Variants in HSPA12A observed in about 807,000 individuals in gnomAD.
HSPA12A encodes the protein heat shock 70 kDa protein 12A.
Under a neutral mutation model 69.2 loss-of-function variants are expected in HSPA12A, and 28 were observed. The ratio of observed to expected loss-of-function variants is 0.40; its 90% CI spans 0.30 to 0.55. The LOEUF (loss-of-function observed/expected upper bound fraction) is 0.55, where lower values mean the gene tolerates loss of function less well. Ranked by LOEUF, HSPA12A falls within the 20% of genes least tolerant of loss-of-function variation. The pLI is 0.38. For synonymous variants in HSPA12A, 345 were observed against 370.5 expected (o/e 0.93, Z 0.79); for missense variants, 686 against 900.7 (o/e 0.76, Z 3.05).
rs2133371929 is a variant in HSPA12A at position 116,683,851 on chromosome 10, T to C, written c.775A>G (p.Ser259Gly). 6.3e-7 allele frequency: 1 copy of C among 1,597,698 alleles called. No homozygotes were observed. Among genetic ancestry groups the C allele is most frequent in the Non-Finnish European group, 8.6e-7 (1 of 1,167,084 alleles). The change falls in exon 7 of 12, where the codon AGC (serine) becomes GGC (glycine). Residue 259 changes from serine (S) to glycine (G), a missense_variant. Transcript: ENST00000369209. ...CTGTACCCATTGACGGCTGCCTTGC[T>C]GCTCAGCTCAATCATCTGGTGTAGC... Reference protein sequence around the residue: ...LRLHQMIELSSKAAVNGYSGS... With the variant: ...LRLHQMIELSGKAAVNGYSGS...
chr10:116,776,787 A>G (rs764268153), intron 2 of HSPA12A, among the ~76,000 whole-genome samples: 55 of 152,246 alleles, frequency 3.6e-4, no homozygotes, highest in Non-Finnish European at 7.1e-4. Context: ...TGTAATCTTA[A>G]TTAGAATCAT....
intron 2 of HSPA12A, among the ~76,000 whole-genome samples, chr10:116,756,076 C>G (rs1414225729): frequency 6.6e-6 from 1 of 152,198 alleles, no homozygotes; most frequent in African/African-American, 2.4e-5. Flanking sequence ...ATACGAACAC[C>G]TCCTAGCCTG....
At chr10:116,794,157 A>G (rs1272267937) in intron 2 of HSPA12A, among the ~76,000 whole-genome samples, 1 of 152,072 alleles carries the variant, frequency 6.6e-6, no homozygotes, top group Non-Finnish European at 1.5e-5. Flanking sequence ...GTGAGCCGAG[A>G]TCGCGCCACT....
chr10:116,701,631 G>A (rs1850079305), intron 3 of HSPA12A, among the ~76,000 whole-genome samples: 1 of 152,234 alleles, frequency 6.6e-6, no homozygotes, highest in South Asian at 2.1e-4. Context: ...ATTCGGGGGA[G>A]AACTGAAGAA....
At chr10:116,779,386 C>T (rs1003522013) in intron 2 of HSPA12A, among the ~76,000 whole-genome samples, 2 of 152,178 alleles carry the variant, frequency 1.3e-5, no homozygotes, top group Non-Finnish European at 2.9e-5. Flanking sequence ...CACCCTGACA[C>T]GGTTGGGGAG....
intron 1 of HSPA12A, among the ~76,000 whole-genome samples, chr10:116,714,919 C>A (rs7088652): frequency 0.041 from 6,214 of 152,280 alleles, 440 homozygotes; most frequent in African/African-American, 0.14. Flanking sequence ...ACCTCCACCT[C>A]TAAAAGTCAG....
Position 116,705,132 on chromosome 10 carries a change from TCCCA to T in HSPA12A, c.254+15_254+18del. The stretch of plus-strand genomic sequence containing the variant: ...GTGGTTGGCACCAGCCACGTGGCCC[TCCCA>T]CCCACAGCACTCACCTCATCACATG... On this transcript the variant is annotated intron_variant, in intron 3 of 11. Transcript: ENST00000369209. 6.2e-7 allele frequency: 1 copy of T among 1,613,442 alleles called. No homozygotes were observed. The highest frequency in any genetic ancestry group is 8.5e-7 in the Non-Finnish European group (1 of 1,179,566).
intron 2 of HSPA12A, chr10:116,834,880 G>A: frequency 2.1e-6 from 2 of 966,640 alleles, no homozygotes; most frequent in Non-Finnish European, 2.7e-6. Flanking sequence ...TGAGGTTCTG[G>A]GGCAGTTATT....
intron 2 of HSPA12A, among the ~76,000 whole-genome samples, chr10:116,812,993 G>A (rs966523827): frequency 2.0e-5 from 3 of 152,126 alleles, no homozygotes; most frequent in African/African-American, 7.2e-5. Context: ...AAGCTAAGAC[G>A]TTAAGCAGGA....
At chr10:116,725,460 G>A (rs1850922585) in intron 1 of HSPA12A, among the ~76,000 whole-genome samples, 5 of 152,222 alleles carry the variant, frequency 3.3e-5, no homozygotes, top group Non-Finnish European at 7.3e-5. Context: ...GTGTGCAAGG[G>A]AGGACTGCGT....
Position 116,816,521 on chromosome 10 carries a change from C to A in HSPA12A, c.91+18414G>T, listed in dbSNP as rs532188598. Among the ~76,000 whole-genome samples, 134 of 152,322 alleles carry A rather than the reference C, an allele frequency of 8.8e-4. 2 individuals carry two copies. In the South Asian group the frequency reaches 0.027, roughly 30 times the overall value. On this transcript the variant is annotated intron_variant, in intron 2 of 12. Coordinates refer to the HSPA12A transcript ENST00000635765. ...CACCCAAATCATGTCACTGAAGGAG[C>A]GAGCAGAGAAGGCGCCATGTGGCTC...
intron 2 of HSPA12A, among the ~76,000 whole-genome samples, chr10:116,705,526 G>C (rs1380487478): frequency 6.6e-6 from 1 of 152,256 alleles, no homozygotes; most frequent in Non-Finnish European, 1.5e-5. Context: ...CCTGCAGCTT[G>C]CCCACTCCTC....
At chr10:116,818,939 C>A (rs1845358254) in intron 2 of HSPA12A, among the ~76,000 whole-genome samples, 1 of 152,076 alleles carries the variant, frequency 6.6e-6, no homozygotes, top group Non-Finnish European at 1.5e-5. Context: ...AGGCTTGTAC[C>A]TTGACCTTCT....
intron 1 of HSPA12A, among the ~76,000 whole-genome samples, chr10:116,734,126 A>T (rs1851240239): frequency 6.6e-6 from 1 of 152,170 alleles, no homozygotes; most frequent in Non-Finnish European, 1.5e-5. Context: ...GCAAAACCCA[A>T]CAGGGCACAG....
intron 2 of HSPA12A, among the ~76,000 whole-genome samples, chr10:116,810,597 C>A (rs1024012869): frequency 6.6e-6 from 1 of 152,220 alleles, no homozygotes; most frequent in African/African-American, 2.4e-5. Context: ...ATGGTCTAAC[C>A]CAGTGGTTCT....
chr10:116,773,773 CA>C (rs1263019057), intron 2 of HSPA12A, among the ~76,000 whole-genome samples: 1 of 152,198 alleles, frequency 6.6e-6, no homozygotes, highest in Admixed American at 6.5e-5. Context: ...GGCAAAGCTG[CA>C]AAACAGCCCA....
chr10:116,736,705 G>A (rs1446059386), intron 1 of HSPA12A, among the ~76,000 whole-genome samples: 1 of 152,118 alleles, frequency 6.6e-6, no homozygotes, highest in Non-Finnish European at 1.5e-5. Context: ...AGGTCACCTC[G>A]AGAAGTTTGA....
At position 116,820,035 on chromosome 10, in the gene HSPA12A, C is replaced by G. The variant is rs552592742; in HGVS notation, c.91+14900G>C. 8.7e-4 allele frequency among the ~76,000 whole-genome samples: 133 copies of G among 152,142 alleles called. 2 individuals carry two copies. In the South Asian group the frequency reaches 0.026, roughly 30 times the overall value. ...GATGGGGTTTCACCATGTTGCCCAGCCTGATCTCAAACTCCCAGGCTCAAG... is the reference window on the plus strand; with the variant it reads ...GATGGGGTTTCACCATGTTGCCCAGGCTGATCTCAAACTCCCAGGCTCAAG... On this transcript the variant is annotated intron_variant, in intron 2 of 12. Coordinates refer to the HSPA12A transcript ENST00000635765.
At chr10:116,817,175 G>A (rs996158422) in intron 2 of HSPA12A, among the ~76,000 whole-genome samples, 16 of 151,992 alleles carry the variant, frequency 1.1e-4, no homozygotes, top group Non-Finnish European at 2.1e-4. Context: ...AAACCCATTT[G>A]CTGTTTTTTT....
Sources: gnomAD v4.1 joint callset for allele counts (sites outside exome capture counted in the v4.1 genomes callset) on GRCh38, gnomAD v4.1.1 for gene constraint, MANE v1.5 for transcripts, NCBI Gene and HGNC (gene_info 2026-07-23, HGNC 2026-07-21) for gene names.